The following KIRREL3 variants were observed in gnomAD, a reference collection of about 807,000 sequenced individuals.
KIRREL3 encodes kirre like nephrin family adhesion molecule 3.
Under a neutral mutation model 89.7 loss-of-function variants are expected in KIRREL3, and 36 were observed. The observed-to-expected ratio is 0.40, with a 90% CI of 0.31 to 0.53. The LOEUF (loss-of-function observed/expected upper bound fraction) is 0.53. Among genes scored for constraint, KIRREL3 ranks in the 20% least tolerant of loss-of-function variants. The pLI, the probability that KIRREL3 is intolerant of heterozygous loss-of-function variation, is 0.49. For synonymous variants in KIRREL3, 445 were observed against 441.4 expected (o/e 1.01, Z -0.10); for missense variants, 864 against 1,056.6 (o/e 0.82, Z 2.53).
Position 126,670,752 on chromosome 11 carries a change from G to T in KIRREL3, c.56-107840C>A, listed in dbSNP as rs1362150138. 5.3e-5 allele frequency among the ~76,000 whole-genome samples: 8 copies of T among 152,258 alleles called. No individual in the cohort carries two copies. In the South Asian group the frequency reaches 1.7e-3, roughly 32 times the overall value. On this transcript the variant is annotated intron_variant, in intron 1 of 16. Coordinates refer to ENST00000525144, the MANE Select transcript of KIRREL3 (RefSeq NM_032531.4). ...ATAAATACAAATTTGTGTCTTTAAC[G>T]AAGAAAAAATTAACTGCTTTCCTCC...
rs1485367640 is a variant in KIRREL3, at chr11:126,520,843, A to C, written c.433+472T>G. The stretch of plus-strand genomic sequence containing the variant: ...GAAGTCACGGGGGTCACTGGTGTCC[A>C]CATGGATACTAGAATCATGGGGAGA... On this transcript the variant is annotated intron_variant, in intron 4 of 16. Coordinates refer to ENST00000525144, the MANE Select transcript of KIRREL3 (RefSeq NM_032531.4). This position sits in a 1 kb window ranked among gnomAD's most constrained non-coding sequence, Gnocchi z 4.9. Among the ~76,000 whole-genome samples, 1 of 152,214 alleles carries C rather than the reference A, an allele frequency of 6.6e-6. No homozygotes were observed. Among genetic ancestry groups the C allele is most frequent in the Non-Finnish European group, 1.5e-5 (1 of 68,032 alleles).
chr11:126,935,200 AGAACAC>A (rs1948132856), intron 1 of KIRREL3: 1 of 152,188 alleles, frequency 6.6e-6, no homozygotes, highest in Non-Finnish European at 1.5e-5. Context: ...ACCAAAATCC[AGAACAC>A]AGGACAAGAG....
chr11:126,894,775 T>G (rs868133767), intron 1 of KIRREL3, among the ~76,000 whole-genome samples: 6 of 151,524 alleles, frequency 4.0e-5, no homozygotes, highest in Non-Finnish European at 8.8e-5. Flanking sequence ...TCAATCGTGT[T>G]AAGTATAATA....
In KIRREL3 at chr11:126,799,101, C is replaced by T. The variant is rs905214522; in HGVS notation, c.55+201354G>A. Among the ~76,000 whole-genome samples, 8 of 135,434 alleles carry T rather than the reference C, an allele frequency of 5.9e-5. No individual in the cohort carries two copies. In the South Asian group the frequency reaches 1.2e-3, roughly 21 times the overall value. The allele number at this position is 135,434 out of a possible 152,430, so 88.8% of individuals were successfully genotyped here. On this transcript the variant is annotated intron_variant, in intron 1 of 16. Transcript: ENST00000525144. ...GTGTGTGTGCATGCATGTATCTGTG[C>T]GTGGATGTGTGTATCTGTGTGTGCG...
intron 1 of KIRREL3, among the ~76,000 whole-genome samples, chr11:126,822,701 CAG>C: frequency 6.6e-6 from 1 of 152,280 alleles, no homozygotes; most frequent in East Asian, 1.9e-4. Context: ...TAAAGTCATT[CAG>C]AGTTACTCAG....
rs1291948559 is a variant in KIRREL3 at position 126,965,634 on chromosome 11, C to T, written c.55+34821G>A. On this transcript the variant is annotated intron_variant, in intron 1 of 16. Transcript: ENST00000525144. This position sits in a 1 kb window ranked among gnomAD's most constrained non-coding sequence, Gnocchi z 4.4. ...CTTTAAATATTATAAAATTTTGGTT[C>T]TTTGCTGATGGAGAGGTCAGAGCCA... 6.6e-6 allele frequency among the ~76,000 whole-genome samples: 1 copy of T among 152,126 alleles called. No individual in the cohort carries two copies. The highest frequency in any genetic ancestry group is 2.4e-5 in the African/African-American group (1 of 41,422).
intron 1 of KIRREL3, among the ~76,000 whole-genome samples, chr11:126,596,115 G>T (rs1412793773): frequency 6.6e-6 from 1 of 152,144 alleles, no homozygotes; most frequent in Non-Finnish European, 1.5e-5. Context: ...CTACGAGCCT[G>T]GCTGGTGGCT....
intron 10 of KIRREL3, 145 bp from the exon 11 acceptor site, chr11:126,440,694 G>A (rs767935630): frequency 2.3e-5 from 17 of 734,248 alleles, no homozygotes; most frequent in Non-Finnish European, 4.1e-5. Flanking sequence ...TAAAGTGCAA[G>A]GTAGAGGACT....
In KIRREL3 at chr11:126,527,209, G is replaced by A. The variant is rs1226484328; in HGVS notation, c.134-522C>T. 6.6e-6 allele frequency among the ~76,000 whole-genome samples: 1 copy of A among 152,152 alleles called. No individual in the cohort carries two copies. The highest frequency in any genetic ancestry group is 1.5e-5 in the Non-Finnish European group (1 of 68,020). On this transcript the variant is annotated intron_variant, in intron 2 of 16. Coordinates refer to ENST00000525144, the MANE Select transcript of KIRREL3 (RefSeq NM_032531.4). This position sits in a 1 kb window ranked among gnomAD's most constrained non-coding sequence, Gnocchi z 4.2. ...CAGTGGCTCCTGGGGTGGGCTGAGG[G>A]CCAAGTTCAGAGGGGTGGGTGGTGG...
chr11:126,818,614 TA>T (rs1565323936), intron 1 of KIRREL3, among the ~76,000 whole-genome samples: 2 of 92,538 alleles, frequency 2.2e-5, no homozygotes, highest in African/African-American at 6.7e-5. Flanking sequence ...GTAGTAGTAG[TA>T]GTAGTAGTAG....
At chr11:126,599,600 G>A (rs1942555110) in intron 1 of KIRREL3, among the ~76,000 whole-genome samples, 1 of 152,150 alleles carries the variant, frequency 6.6e-6, no homozygotes, top group African/African-American at 2.4e-5. Flanking sequence ...AAGCCTCTAG[G>A]GGTCTGTCAT....
rs150305093 is a variant in KIRREL3, at chr11:126,924,097, C to T, written c.55+76358G>A. ...TGTTCATCTCTCTATTCCCAGTACT[C>T]GTCATAGCGCCTTGTAGACACTTGA... On this transcript the variant is annotated intron_variant, in intron 1 of 16. Transcript: ENST00000525144. The surrounding 1 kb of genome is among the most constrained non-coding windows in gnomAD (Gnocchi z 4.7). 3.3e-5 allele frequency among the ~76,000 whole-genome samples: 5 copies of T among 152,308 alleles called. No homozygotes were observed. Among genetic ancestry groups the T allele is most frequent in the South Asian group, 2.1e-4 (1 of 4,816 alleles).
At chr11:126,505,549 CA>C (rs1341382745) in intron 4 of KIRREL3, among the ~76,000 whole-genome samples, 8 of 150,262 alleles carry the variant, frequency 5.3e-5, no homozygotes, top group Non-Finnish European at 8.8e-5. Flanking sequence ...TCAGCCTGGG[CA>C]ACAAGAGTGT....
intron 1 of KIRREL3, among the ~76,000 whole-genome samples, chr11:126,863,412 T>A (rs1944777984): frequency 1.4e-5 from 1 of 71,364 alleles, no homozygotes. Flanking sequence ...CGTGAGTGCG[T>A]GTGTGAGCGC....
intron 1 of KIRREL3, among the ~76,000 whole-genome samples, chr11:126,680,432 C>T (rs941501521): frequency 6.7e-6 from 1 of 148,172 alleles, no homozygotes; most frequent in Non-Finnish European, 1.5e-5. Context: ...AGCCAGCAGC[C>T]AACAGAGGGA....
chr11:126,460,147 C>T (rs890965983), intron 6 of KIRREL3, among the ~76,000 whole-genome samples: 45 of 152,072 alleles, frequency 3.0e-4, no homozygotes, highest in African/African-American at 9.7e-4. Context: ...GGGTGGAGAA[C>T]GTGTGCTTTG....
Position 126,454,186 on chromosome 11 carries a change from G to C in KIRREL3, c.848+2163C>G, listed in dbSNP as rs748527591. Among the ~76,000 whole-genome samples the C allele has an allele frequency of 2.6e-5, 4 of 151,964 alleles. No homozygotes were observed. The highest frequency in any genetic ancestry group is 5.9e-5 in the Non-Finnish European group (4 of 68,024). Reference sequence around the variant, plus strand: ...CCTTCTTCTCTTTCCTATTATTGCTGTTCTGCTTTTTTGAGGTTGGTGACC... The same window carrying C: ...CCTTCTTCTCTTTCCTATTATTGCTCTTCTGCTTTTTTGAGGTTGGTGACC... On this transcript the variant is annotated intron_variant, in intron 7 of 16. Coordinates refer to ENST00000525144, the MANE Select transcript of KIRREL3 (RefSeq NM_032531.4). This position sits in a 1 kb window ranked among gnomAD's most constrained non-coding sequence, Gnocchi z 5.8.
chr11:126,646,122 C>G (rs556263064), intron 1 of KIRREL3, among the ~76,000 whole-genome samples: 3 of 152,120 alleles, frequency 2.0e-5, no homozygotes, highest in Admixed American at 1.3e-4. Context: ...ACCCCACCCC[C>G]CAAACAGGTC....
At chr11:126,593,499 T>G (rs1942248367) in intron 1 of KIRREL3, among the ~76,000 whole-genome samples, 2 of 152,294 alleles carry the variant, frequency 1.3e-5, no homozygotes, top group East Asian at 3.9e-4. Flanking sequence ...CCCAACCTGC[T>G]GTGACCCCCT....
Sources: allele counts gnomAD v4.1 joint callset (sites outside exome capture counted in the v4.1 genomes callset), GRCh38; gene constraint gnomAD v4.1.1; non-coding constraint Gnocchi (gnomAD v3.1); transcripts MANE v1.5; gene names NCBI Gene and HGNC (gene_info 2026-07-23, HGNC 2026-07-21).